The following VWDE variants were observed in gnomAD, a reference collection of about 807,000 sequenced individuals.
The protein encoded by VWDE is von Willebrand factor D and EGF domains.
Under a neutral mutation model 178.4 loss-of-function variants are expected in VWDE, and 207 were observed. The ratio of observed to expected loss-of-function variants is 1.16; its 90% CI spans 1.04 to 1.30. The LOEUF is 1.30. Among genes scored for constraint, VWDE ranks in the 50% most tolerant of loss-of-function variants. The pLI, the probability that VWDE is intolerant of heterozygous loss-of-function variation, is 0.00. For synonymous variants in VWDE, 738 were observed against 651.4 expected, an observed-to-expected ratio of 1.13 and a Z score of -2.02; for missense variants, 2,287 against 1,901.3, an observed-to-expected ratio of 1.20 and a Z score of -3.77.
intron 6 of VWDE, among the ~76,000 whole-genome samples, chr7:12,378,395 G>C (rs545640614): frequency 1.3e-5 from 2 of 152,112 alleles, no homozygotes; most frequent in Non-Finnish European, 2.9e-5. Context: ...TCCACACTTA[G>C]CTTATTTCTC....
intron 19 of VWDE, among the ~76,000 whole-genome samples, chr7:12,345,861 T>C (rs751236985): frequency 4.6e-5 from 7 of 152,166 alleles, no homozygotes; most frequent in Non-Finnish European, 5.9e-5. Flanking sequence ...GCGGGAGATG[T>C]TGTTAGTTGT....
chr7:12,390,985 C>T (rs1354586886), intron 2 of VWDE, among the ~76,000 whole-genome samples: 1 of 152,064 alleles, frequency 6.6e-6, no homozygotes, highest in African/African-American at 2.4e-5. Context: ...AATGTCCACA[C>T]ATATGGTGAT....
chr7:12,381,376 T>C (rs1253336784), intron 4 of VWDE, among the ~76,000 whole-genome samples: 2 of 152,132 alleles, frequency 1.3e-5, no homozygotes, highest in Non-Finnish European at 2.9e-5. Context: ...GTTTTTTGTT[T>C]AGTTTTGTTC....
chr7:12,355,964 G>A (rs1407959814), intron 18 of VWDE, 147 bp downstream of exon 18: 3 of 739,584 alleles, frequency 4.1e-6, no homozygotes, highest in African/African-American at 3.5e-5. Flanking sequence ...AAGGGATATG[G>A]ATAGTAATTA....
At chr7:12,393,221 G>C (rs1016828543) in intron 2 of VWDE, among the ~76,000 whole-genome samples, 1 of 152,176 alleles carries the variant, frequency 6.6e-6, no homozygotes, top group African/African-American at 2.4e-5. Flanking sequence ...CTAAGCACCT[G>C]AGCCCTGGAG....
Position 12,356,329 on chromosome 7 carries a change from AC to A in VWDE, c.3526del (p.Val1176Ter). 1.9e-6 allele frequency: 3 copies of A among 1,545,874 alleles called. No homozygotes were observed. Among genetic ancestry groups the A allele is most frequent in the Non-Finnish European group, 2.6e-6 (3 of 1,145,082 alleles). Reference protein sequence around the residue: ...CDAETRVTIEVTVKSCDCLNG... With the variant: ...CDAETRVTIEXTVKSCDCLNG... Reference sequence around the variant, plus strand: ...CAAGCAATCACAAGACTTCACAGTCACCTACAAAACAAAAAAAAAGGAAATG... The same window carrying A: ...CAAGCAATCACAAGACTTCACAGTCACTACAAAACAAAAAAAAAGGAAATG... On this transcript the variant is annotated frameshift_variant and splice_region_variant, in exon 18 of 29. Transcript: ENST00000275358. LOFTEE classifies it high-confidence loss of function.
Position 12,361,439 on chromosome 7 carries a change from A to G in VWDE, c.2981T>C (p.Leu994Pro). The G allele has an allele frequency of 6.4e-7, 1 of 1,551,284 alleles. No homozygotes were observed. The highest frequency in any genetic ancestry group is 2.4e-5 in the East Asian group (1 of 40,878). Reference protein sequence around the residue: ...FHNSRAVDCQLPTDVQQFDTM... With the variant: ...FHNSRAVDCQPPTDVQQFDTM... The stretch of plus-strand genomic sequence containing the variant: ...ATCAAACTGCTGAACATCAGTGGGC[A>G]GCTGACAATCAACAGCTCTGCTATT... The change falls in exon 14 of 29, where the codon CTG (leucine) becomes CCG (proline). Residue 994 changes from leucine (L) to proline (P), a missense_variant. Transcript: ENST00000275358.
chr7:12,398,819 G>A (rs527292232), intron 1 of VWDE, among the ~76,000 whole-genome samples: 124 of 152,130 alleles, frequency 8.2e-4, no homozygotes, highest in African/African-American at 2.8e-3. Flanking sequence ...GCATGTTCTC[G>A]CTTATAAGGG....
chr7:12,351,314 C>A (rs1781924898), intron 19 of VWDE, among the ~76,000 whole-genome samples: 1 of 152,086 alleles, frequency 6.6e-6, no homozygotes, highest in African/African-American at 2.4e-5. Context: ...TTGAAATAGT[C>A]CCTTCCAACC....
intron 17 of VWDE, 39 bp from the exon 18 acceptor site, chr7:12,356,369 T>C (rs1562480069): frequency 2.0e-6 from 3 of 1,505,020 alleles, no homozygotes. Context: ...TATTTTTCAA[T>C]AAAATTATCT....
chr7:12,356,143 C>A lies in VWDE; in HGVS notation c.3713G>T (p.Ser1238Ile). 6.4e-7 allele frequency: 1 copy of A among 1,551,486 alleles called. No homozygotes were observed. Among genetic ancestry groups the A allele is most frequent in the Non-Finnish European group, 8.7e-7 (1 of 1,146,988 alleles). ...CTCAGGTGGACAATCACAGGAATAA[C>A]TGTGAAAACCACTAATATAGCTGCC... ...GLGSYISGFH[S>I]YSCDCPPELK... Residue 1238 changes from serine to isoleucine, a missense_variant, in exon 18 of 29, where the codon AGT becomes ATT. Physicochemically the swap from Ser to Ile is moderately radical, Grantham distance 142. Transcript: ENST00000275358.
chr7:12,379,520 T>G lies in VWDE; in HGVS notation c.836A>C (p.Gln279Pro), dbSNP rs372492047. ...TTCTTGGCTTTCGATGGCTACACTT[T>G]GTACATGAGGATTCTCCAAGAAAAA... ...SVFFLENPHV[Q>P]SVAIESQEFF... is the part of the protein sequence containing the mutation. Residue 279 changes from glutamine (Q) to proline (P), a missense_variant, in exon 6 of 29, where the codon CAA (glutamine) becomes CCA (proline). Gln to Pro is a moderately conservative substitution (Grantham distance 76). Transcript: ENST00000275358. 214 of 1,550,482 alleles carry G rather than the reference T, an allele frequency of 1.4e-4. No individual in the cohort carries two copies. Among genetic ancestry groups the G allele is most frequent in the Non-Finnish European group, 1.7e-4 (193 of 1,146,422 alleles).
intron 3 of VWDE, among the ~76,000 whole-genome samples, chr7:12,387,248 T>C (rs1297938622): frequency 6.6e-6 from 1 of 152,086 alleles, no homozygotes; most frequent in Non-Finnish European, 1.5e-5. Flanking sequence ...AATAATGATA[T>C]ATTACATCAA....
chr7:12,388,498 TA>T (rs1784214161), intron 3 of VWDE, among the ~76,000 whole-genome samples: 1 of 152,168 alleles, frequency 6.6e-6, no homozygotes, highest in South Asian at 2.1e-4. Flanking sequence ...GTAGCAACAA[TA>T]ATTTGTAATT....
chr7:12,403,655 T>C lies in VWDE; in HGVS notation c.58+4A>G. 6.5e-7 allele frequency: 1 copy of C among 1,542,866 alleles called. No individual in the cohort carries two copies. ...CCCACCCCCGCGCGCCCTACCTCGC[T>C]TACCTTCCCCCCAGGCCAGGAACAT... On this transcript the variant is annotated splice_donor_region_variant and intron_variant, in intron 1 of 28. Transcript: ENST00000275358.
chr7:12,370,500 T>G lies in VWDE; in HGVS notation c.1806A>C (p.Pro602=). 1.3e-6 allele frequency: 2 copies of G among 1,536,488 alleles called. No homozygotes were observed. The highest frequency in any genetic ancestry group is 1.7e-6 in the Non-Finnish European group (2 of 1,143,322). The change falls in exon 12 of 29, where the codon CCA becomes CCC. Residue 602 remains proline, a synonymous_variant. Coordinates refer to ENST00000275358, the MANE Select transcript of VWDE (RefSeq NM_001135924.3). ...GCAGTGTGTCAGACATGCTTTTTCC[T>G]GGTAAAATCCTTCCAGATGGAAAAC... The part of the protein sequence containing the change: ...VAFINEWRIL[P]GKSMSDTLPV...
At chr7:12,350,767 A>G (rs1781887067) in intron 19 of VWDE, among the ~76,000 whole-genome samples, 1 of 152,156 alleles carries the variant, frequency 6.6e-6, no homozygotes, top group South Asian at 2.1e-4. Context: ...AATAGAAGTA[A>G]TAACAGTTAC....
At position 12,340,389 on chromosome 7, in the gene VWDE, A is replaced by G; in HGVS notation, c.4299T>C (p.Gly1433=). ...AAGTATTTGGCTTATTACACGAACC[A>G]CCATTGAGGCAGACAGGGTCGCACA... ...TALCDPVCLN[G]GSCNKPNTCL... Residue 1433 remains glycine, a synonymous_variant, in exon 24 of 29, where the codon GGT becomes GGC. Transcript: ENST00000275358. 1.9e-6 allele frequency: 3 copies of G among 1,551,510 alleles called. 1 individual carries two copies. In the Middle Eastern group the frequency reaches 5.0e-4, roughly 259 times the overall value.
chr7:12,374,440 T>G (rs1335996514), intron 9 of VWDE, among the ~76,000 whole-genome samples: 1 of 152,094 alleles, frequency 6.6e-6, no homozygotes, highest in Non-Finnish European at 1.5e-5. Flanking sequence ...AAAGATTCTC[T>G]GCATTTGTAA....
Sources: allele counts gnomAD v4.1 joint callset (sites outside exome capture counted in the v4.1 genomes callset), GRCh38; gene constraint gnomAD v4.1.1; transcripts MANE v1.5; gene names NCBI Gene and HGNC (gene_info 2026-07-23, HGNC 2026-07-21).